PALLD: variants seen among roughly 807,000 people sequenced by gnomAD.
PALLD encodes palladin.
In PALLD, 61 loss-of-function variants were observed where a neutral mutation model predicts 123.5. The ratio of observed to expected loss-of-function variants is 0.49; its 90% confidence interval spans 0.40 to 0.61. The LOEUF is 0.61. PALLD is among the 20% of genes least tolerant of loss of function. The probability of loss-of-function intolerance (pLI) is 0.00; values close to 1 mark genes in which losing one functional copy is unlikely to be tolerated. For synonymous variants in PALLD, 465 were observed against 496.4 expected, an observed-to-expected ratio of 0.94 and a Z score of 0.84; for missense variants, 1,273 against 1,377.0, an observed-to-expected ratio of 0.92 and a Z score of 1.20.
intron 2 of PALLD, among the ~76,000 whole-genome samples, chr4:168,556,334 AT>A (rs1767302466): frequency 6.6e-6 from 1 of 152,036 alleles, no homozygotes; most frequent in African/African-American, 2.4e-5. Context: ...TGACCTCGTG[AT>A]CCGCCCGCCT....
intron 10 of PALLD, among the ~76,000 whole-genome samples, chr4:168,726,499 T>G (rs932452136): frequency 6.6e-6 from 1 of 152,176 alleles, no homozygotes; most frequent in Admixed American, 6.5e-5. Flanking sequence ...ACATTTTTAA[T>G]TTTTTTCTTC....
chr4:168,761,617 C>T (rs556297061), intron 10 of PALLD, among the ~76,000 whole-genome samples: 11 of 136,370 alleles, frequency 8.1e-5, no homozygotes, highest in South Asian at 2.4e-4. Context: ...CACACCACCA[C>T]GCCCAGCTAT....
At chr4:168,862,038 T>C (rs1406745869) in intron 10 of PALLD, among the ~76,000 whole-genome samples, 1 of 151,972 alleles carries the variant, frequency 6.6e-6, no homozygotes, top group Non-Finnish European at 1.5e-5. Flanking sequence ...TTTGGAGGGG[T>C]TTTTTGTTTG....
chr4:168,803,052 G>C (rs1437029238), intron 10 of PALLD, among the ~76,000 whole-genome samples: 1 of 152,188 alleles, frequency 6.6e-6, no homozygotes, highest in East Asian at 1.9e-4. Flanking sequence ...GCCTGATTCT[G>C]TATGTTAAAA....
chr4:168,699,299 G>C (rs1447875385), intron 8 of PALLD, among the ~76,000 whole-genome samples: 1 of 151,972 alleles, frequency 6.6e-6, no homozygotes, highest in Non-Finnish European at 1.5e-5. Flanking sequence ...GGCTGGTCTC[G>C]AGCTGCTGAC....
intron 2 of PALLD, among the ~76,000 whole-genome samples, chr4:168,633,254 T>C (rs575327753): frequency 6.6e-6 from 1 of 152,334 alleles, no homozygotes; most frequent in East Asian, 1.9e-4. Context: ...GCCCGTATAA[T>C]GGCAAACAGG....
chr4:168,606,694 T>C (rs1398774961), intron 2 of PALLD, among the ~76,000 whole-genome samples: 2 of 151,434 alleles, frequency 1.3e-5, no homozygotes, highest in East Asian at 1.9e-4. Context: ...AGATCAAGCT[T>C]TCTCAGAGTC....
At position 168,508,621 on chromosome 4, in the gene PALLD, C is replaced by T. The variant is rs544802236; in HGVS notation, c.-82-2802C>T. Among the ~76,000 whole-genome samples, 52 of 152,214 alleles carry T rather than the reference C, an allele frequency of 3.4e-4. 1 individual carries two copies. Among genetic ancestry groups the T allele is most frequent in the African/African-American group, 1.2e-3 (49 of 41,516 alleles). On this transcript the variant is annotated intron_variant, in intron 1 of 21. Transcript: ENST00000505667. The stretch of plus-strand genomic sequence containing the variant: ...CAATCTCCTTTAGCACTGATTTCAA[C>T]ACAAAAACTGAATTTCTTTCAGGCC...
intron 2 of PALLD, among the ~76,000 whole-genome samples, chr4:168,534,006 A>G (rs891191301): frequency 5.9e-5 from 9 of 152,342 alleles, no homozygotes; most frequent in African/African-American, 1.9e-4. Context: ...ATAATCTTGT[A>G]TAATATATTA....
intron 8 of PALLD, among the ~76,000 whole-genome samples, chr4:168,694,712 C>G (rs904459050): frequency 6.6e-6 from 1 of 152,196 alleles, no homozygotes. Context: ...GCAACTGAAA[C>G]AGGTTTTTCT....
chr4:168,750,699 A>G (rs892807616), intron 10 of PALLD, among the ~76,000 whole-genome samples: 15 of 152,280 alleles, frequency 9.9e-5, no homozygotes, highest in Admixed American at 7.2e-4. Context: ...TAGAAGAAAA[A>G]AGTTATTCTA....
chr4:168,780,059 C>T (rs1003815826), intron 10 of PALLD, among the ~76,000 whole-genome samples: 5 of 151,882 alleles, frequency 3.3e-5, no homozygotes, highest in Admixed American at 6.6e-5. Context: ...CCACCATGCC[C>T]GACTAATTTT....
intron 2 of PALLD, among the ~76,000 whole-genome samples, chr4:168,579,834 C>T (rs936994729): frequency 6.6e-6 from 1 of 151,940 alleles, no homozygotes; most frequent in Non-Finnish European, 1.5e-5. Context: ...AAAATGATTA[C>T]TGCAATCAAG....
At chr4:168,836,863 G>T (rs1329570333) in intron 10 of PALLD, among the ~76,000 whole-genome samples, 1 of 152,142 alleles carries the variant, frequency 6.6e-6, no homozygotes, top group East Asian at 1.9e-4. Flanking sequence ...GGCCAGCCCA[G>T]AAATCATAGC....
intron 10 of PALLD, among the ~76,000 whole-genome samples, chr4:168,714,953 G>A (rs114642602): frequency 6.9e-4 from 105 of 152,026 alleles, no homozygotes; most frequent in African/African-American, 2.4e-3. Context: ...ACAAAAACCT[G>A]GAAGGGCCAT....
intron 2 of PALLD, among the ~76,000 whole-genome samples, chr4:168,558,034 C>T (rs753509283): frequency 3.3e-5 from 5 of 152,148 alleles, no homozygotes; most frequent in Non-Finnish European, 5.9e-5. Flanking sequence ...CTCTACAGAG[C>T]CTATGCAGAG....
chr4:168,624,755 T>C (rs1460070705), intron 2 of PALLD, among the ~76,000 whole-genome samples: 3 of 152,128 alleles, frequency 2.0e-5, no homozygotes, highest in Non-Finnish European at 4.4e-5. Context: ...GAATACACTG[T>C]AATTAGTTGC....
intron 11 of PALLD, among the ~76,000 whole-genome samples, chr4:168,892,458 G>A (rs1209264680): frequency 1.3e-5 from 2 of 152,118 alleles, no homozygotes; most frequent in Non-Finnish European, 1.5e-5. Context: ...GCAGAGGAGG[G>A]GTGCTGAATG....
intron 10 of PALLD, among the ~76,000 whole-genome samples, chr4:168,720,598 G>A (rs1283910605): frequency 4.6e-5 from 7 of 152,158 alleles, no homozygotes; most frequent in Non-Finnish European, 8.8e-5. Flanking sequence ...TCTGCAGTAC[G>A]TGGCTATGCG....
Sources: gnomAD v4.1 joint callset for allele counts (sites outside exome capture counted in the v4.1 genomes callset) on GRCh38, gnomAD v4.1.1 for gene constraint, MANE v1.5 for transcripts, NCBI Gene and HGNC (gene_info 2026-07-23, HGNC 2026-07-21) for gene names.